Variants in FHIT observed in about 807,000 individuals in gnomAD.
FHIT encodes the protein bis(5'-adenosyl)-triphosphatase.
A neutral mutation model predicts 17.9 loss-of-function variants in FHIT; 19 were observed. That is an observed-to-expected ratio of 1.06 (90% CI 0.74 to 1.56). FHIT has a LOEUF of 1.56. Ranked by LOEUF, FHIT falls within the 40% of genes most tolerant of loss-of-function variation. The probability of loss-of-function intolerance (pLI) is 0.00; values close to 1 mark genes in which losing one functional copy is unlikely to be tolerated. For synonymous variants in FHIT, 81 were observed against 69.7 expected (o/e 1.16, Z -0.81); for missense variants, 248 against 189.2 (o/e 1.31, Z -1.82).
intron 4 of FHIT, among the ~76,000 whole-genome samples, chr3:60,671,360 C>A (rs1553693796): frequency 6.6e-6 from 1 of 151,266 alleles, no homozygotes; most frequent in Non-Finnish European, 1.5e-5. Flanking sequence ...TACACACATA[C>A]ACACACACAC....
intron 5 of FHIT, among the ~76,000 whole-genome samples, chr3:60,515,914 A>T (rs2035136622): frequency 6.6e-6 from 1 of 152,208 alleles, no homozygotes; most frequent in South Asian, 2.1e-4. Context: ...TGCAAAGCTT[A>T]TATTCCTCAG....
At chr3:60,204,954 G>C in intron 5 of FHIT, among the ~76,000 whole-genome samples, 1 of 151,964 alleles carries the variant, frequency 6.6e-6, no homozygotes, top group Non-Finnish European at 1.5e-5. Flanking sequence ...AATCTGGCCA[G>C]GCATGGTGGC....
chr3:60,556,689 G>C (rs535196084), intron 4 of FHIT, among the ~76,000 whole-genome samples: 4 of 152,326 alleles, frequency 2.6e-5, no homozygotes, highest in Admixed American at 6.5e-5. Context: ...CAAAATGAGG[G>C]CCTGGGGTGG....
At chr3:59,787,819 T>C (rs776841148) in intron 8 of FHIT, among the ~76,000 whole-genome samples, 5 of 152,316 alleles carry the variant, frequency 3.3e-5, no homozygotes, top group South Asian at 2.1e-4. Flanking sequence ...CTCGGTTCAG[T>C]TGGGATTCAA....
chr3:61,134,310 A>AAAC (rs1470690000), intron 2 of FHIT, among the ~76,000 whole-genome samples: 1 of 152,200 alleles, frequency 6.6e-6, no homozygotes, highest in Non-Finnish European at 1.5e-5. Context: ...ACAGTGATGA[A>AAAC]AACAGCAGGT....
intron 5 of FHIT, among the ~76,000 whole-genome samples, chr3:60,359,277 C>CTTTTTTTTTTTTTTTTT (rs71089599): frequency 9.1e-6 from 1 of 109,910 alleles, no homozygotes; most frequent in Non-Finnish European, 1.8e-5. Flanking sequence ...ATGAAAATAT[C>CTTTTTTTTTTTTTTTTT]TTTTTTTTTT....
intron 4 of FHIT, among the ~76,000 whole-genome samples, chr3:60,597,125 T>G (rs2038296256): frequency 6.6e-6 from 1 of 151,958 alleles, no homozygotes; most frequent in Non-Finnish European, 1.5e-5. Context: ...CATAAGAAAA[T>G]GGGAATAAAT....
intron 3 of FHIT, among the ~76,000 whole-genome samples, chr3:60,823,013 G>A (rs1701980085): frequency 6.6e-6 from 1 of 151,962 alleles, no homozygotes; most frequent in Admixed American, 6.6e-5. Flanking sequence ...TAATAATCTT[G>A]GTCTACATCA....
At chr3:60,896,464 C>T (rs1705827971) in intron 3 of FHIT, among the ~76,000 whole-genome samples, 1 of 152,206 alleles carries the variant, frequency 6.6e-6, no homozygotes, top group African/African-American at 2.4e-5. Context: ...CACAGTTGTA[C>T]TGCCCTCCTT....
At chr3:60,976,360 G>T (rs1486676430) in intron 3 of FHIT, among the ~76,000 whole-genome samples, 1 of 151,832 alleles carries the variant, frequency 6.6e-6, no homozygotes, top group Non-Finnish European at 1.5e-5. Flanking sequence ...GCCCACCTCG[G>T]CCTCCCAAAG....
chr3:59,908,853 T>TCTCGCTCTGTCGCCC (rs1271629999), intron 8 of FHIT, among the ~76,000 whole-genome samples: 15 of 150,742 alleles, frequency 1.0e-4, no homozygotes, highest in South Asian at 2.1e-4. Flanking sequence ...CATTTTTTAA[T>TCTCGCTCTGTCGCCC]AGTCCAACTG....
intron 4 of FHIT, among the ~76,000 whole-genome samples, chr3:60,559,138 A>T (rs241673): frequency 0.95 from 145,055 of 152,278 alleles, 69,144 homozygotes; most frequent in East Asian, 1. Flanking sequence ...TTATTCATAG[A>T]TTTGTGTTAG....
intron 5 of FHIT, among the ~76,000 whole-genome samples, chr3:60,092,632 G>A (rs756901536): frequency 1.6e-4 from 25 of 152,156 alleles, no homozygotes; most frequent in Non-Finnish European, 3.5e-4. Flanking sequence ...AGGCCAGCAA[G>A]AGAGGATTAA....
intron 2 of FHIT, among the ~76,000 whole-genome samples, chr3:61,092,777 G>A (rs1007935664): frequency 3.9e-5 from 6 of 152,154 alleles, no homozygotes; most frequent in East Asian, 1.9e-4. Context: ...TTTTGTTTTG[G>A]TAATTTTTTT....
chr3:60,642,015 G>A lies in FHIT; in HGVS notation c.-17-105036C>T, dbSNP rs148127502. On this transcript the variant is annotated intron_variant, in intron 4 of 9. Coordinates refer to ENST00000492590, the MANE Select transcript of FHIT (RefSeq NM_002012.4). ...AGGGGTAGGGGGTGGGGAGTGGGAC[G>A]ACTATCATCACTGCTACAGCCTTGA... 7.0e-3 allele frequency among the ~76,000 whole-genome samples: 1,061 copies of A among 152,122 alleles called. 14 individuals are homozygous for A. The highest frequency in any genetic ancestry group is 0.023 in the African/African-American group (975 of 41,522).
At chr3:59,843,716 G>C (rs532862974) in intron 8 of FHIT, among the ~76,000 whole-genome samples, 2 of 149,606 alleles carry the variant, frequency 1.3e-5, no homozygotes, top group African/African-American at 2.4e-5. Context: ...ATGTATTTTT[G>C]TTTGTTGACT....
chr3:61,156,831 C>A (rs1267628181), intron 2 of FHIT, among the ~76,000 whole-genome samples: 2 of 152,174 alleles, frequency 1.3e-5, no homozygotes, highest in African/African-American at 2.4e-5. Context: ...TTCCTCTTGA[C>A]ACTGGTGACT....
Position 60,565,488 on chromosome 3 carries a change from A to C in FHIT, c.-17-28509T>G, listed in dbSNP as rs185210543. On this transcript the variant is annotated intron_variant, in intron 4 of 9. Coordinates refer to ENST00000492590, the MANE Select transcript of FHIT (RefSeq NM_002012.4). ...CTTCTATTCTTCACCGTTGGATTCTAATAGATGCCTGTTATTCCTTTAAAA... is the reference window on the plus strand; with the variant it reads ...CTTCTATTCTTCACCGTTGGATTCTCATAGATGCCTGTTATTCCTTTAAAA... 5.9e-5 allele frequency among the ~76,000 whole-genome samples: 9 copies of C among 152,332 alleles called. No individual in the cohort carries two copies. The South Asian group carries it at 8.3e-4, about 14-fold the overall frequency.
At chr3:60,115,161 A>G (rs555631388) in intron 5 of FHIT, among the ~76,000 whole-genome samples, 1 of 152,296 alleles carries the variant, frequency 6.6e-6, no homozygotes, top group Admixed American at 6.5e-5. Context: ...ATGACAAAGG[A>G]AAAAATGAAA....
Sources: gnomAD v4.1 joint callset for allele counts (sites outside exome capture counted in the v4.1 genomes callset) on GRCh38, gnomAD v4.1.1 for gene constraint, MANE v1.5 for transcripts, NCBI Gene and HGNC (gene_info 2026-07-23, HGNC 2026-07-21) for gene names.